DLGAP2: variants seen among roughly 807,000 people sequenced by gnomAD.
The protein encoded by DLGAP2 is DLG associated protein 2.
In DLGAP2, 26 loss-of-function variants were observed where a neutral mutation model predicts 100.3. The ratio of observed to expected loss-of-function variants is 0.26; its 90% confidence interval spans 0.19 to 0.36. DLGAP2 has a LOEUF of 0.36. DLGAP2 is among the 10% of genes least tolerant of loss of function. DLGAP2 has a pLI of 1.00. For missense variants in DLGAP2, 1,858 were observed against 1,453.2 expected (o/e 1.28, Z -4.53); for synonymous variants, 886 against 630.1 (o/e 1.41, Z -6.08).
chr8:1,261,245 A>G lies in DLGAP2; in HGVS notation c.106+2362A>G, dbSNP rs1799342466. 2.7e-5 allele frequency among the ~76,000 whole-genome samples: 4 copies of G among 150,602 alleles called. No homozygotes were observed. The South Asian group carries it at 8.4e-4, about 32-fold the overall frequency. ...ACTGGAAGGGCAGGTCGGCTTCCAGATATTTAAAACAAGACAGAATGGGAG... is the reference window on the plus strand; with the variant it reads ...ACTGGAAGGGCAGGTCGGCTTCCAGGTATTTAAAACAAGACAGAATGGGAG... On this transcript the variant is annotated intron_variant, in intron 3 of 14. Transcript: ENST00000637795.
intron 8 of DLGAP2, among the ~76,000 whole-genome samples, chr8:1,664,548 C>T (rs1798495915): frequency 6.6e-6 from 1 of 152,160 alleles, no homozygotes; most frequent in Non-Finnish European, 1.5e-5. Context: ...AATGTTGTAT[C>T]CACCAGTGAA....
chr8:1,209,539 C>T (rs1251397558), intron 2 of DLGAP2, among the ~76,000 whole-genome samples: 4 of 152,076 alleles, frequency 2.6e-5, no homozygotes, highest in South Asian at 2.1e-4. Flanking sequence ...ACAATTAATC[C>T]GTTTCTATAC....
At chr8:1,234,896 T>C (rs1006740315) in intron 2 of DLGAP2, among the ~76,000 whole-genome samples, 28 of 152,198 alleles carry the variant, frequency 1.8e-4, no homozygotes, top group Admixed American at 3.3e-4. Flanking sequence ...GAGCTCCCTC[T>C]CACGTGGCGC....
chr8:1,509,631 C>T (rs531686524), intron 4 of DLGAP2, among the ~76,000 whole-genome samples: 3 of 151,998 alleles, frequency 2.0e-5, no homozygotes, highest in Admixed American at 6.6e-5. Flanking sequence ...GCAGGCAAAG[C>T]CTCCGCACAT....
At chr8:1,390,536 C>T (rs1021608179) in intron 3 of DLGAP2, among the ~76,000 whole-genome samples, 6 of 152,170 alleles carry the variant, frequency 3.9e-5, no homozygotes, top group African/African-American at 1.4e-4. Context: ...AAATGACAAT[C>T]TGTCGAGCTG....
At chr8:1,647,407 T>C (rs1007710205) in intron 8 of DLGAP2, among the ~76,000 whole-genome samples, 3 of 136,902 alleles carry the variant, frequency 2.2e-5, no homozygotes, top group Non-Finnish European at 4.6e-5. Flanking sequence ...GAGAATGGAG[T>C]GAACCCGGGA....
Position 878,369 on chromosome 8 carries a change from A to G in DLGAP2, c.19-29543A>G, listed in dbSNP as rs1443598866. Reference sequence around the variant, plus strand: ...AACACACGGTAGGTTTTGTGGTTCAAAGTTCAGAAAATTCTTGATGAATGC... The same window carrying G: ...AACACACGGTAGGTTTTGTGGTTCAGAGTTCAGAAAATTCTTGATGAATGC... On this transcript the variant is annotated intron_variant, in intron 1 of 14. Coordinates refer to ENST00000637795, the MANE Select transcript of DLGAP2 (RefSeq NM_001346810.2). Among the ~76,000 whole-genome samples the G allele has an allele frequency of 2.0e-5, 3 of 152,330 alleles. No homozygotes were observed. The East Asian group carries it at 5.8e-4, about 29-fold the overall frequency.
chr8:916,028 T>C (rs1307524198), intron 2 of DLGAP2, among the ~76,000 whole-genome samples: 1 of 151,430 alleles, frequency 6.6e-6, no homozygotes, highest in Non-Finnish European at 1.5e-5. Context: ...TCCTCCTCAT[T>C]GTAGACTCTC....
At chr8:765,580 A>G (rs1193465773) in intron 1 of DLGAP2, among the ~76,000 whole-genome samples, 1 of 152,178 alleles carries the variant, frequency 6.6e-6, no homozygotes, top group African/African-American at 2.4e-5. Flanking sequence ...TATATTGAAA[A>G]CAGCACCCCA....
intron 3 of DLGAP2, among the ~76,000 whole-genome samples, chr8:1,278,402 A>G (rs781631567): frequency 6.6e-6 from 1 of 152,178 alleles, no homozygotes; most frequent in African/African-American, 2.4e-5. Flanking sequence ...TCATTACTCA[A>G]TTACTTTACC....
intron 3 of DLGAP2, among the ~76,000 whole-genome samples, chr8:1,389,618 A>G (rs1414378663): frequency 6.6e-6 from 1 of 152,142 alleles, no homozygotes; most frequent in Non-Finnish European, 1.5e-5. Flanking sequence ...TGGATAGAAA[A>G]AAAGCTGATG....
chr8:1,141,496 T>A (rs17065702), intron 2 of DLGAP2, among the ~76,000 whole-genome samples: 2,467 of 152,166 alleles, frequency 0.016, 30 homozygotes, highest in Admixed American at 0.025. Context: ...AAAAGAAAAA[T>A]GTAATCCAGA....
At chr8:910,804 G>A (rs1798469419) in intron 2 of DLGAP2, among the ~76,000 whole-genome samples, 3 of 152,090 alleles carry the variant, frequency 2.0e-5, no homozygotes, top group Non-Finnish European at 4.4e-5. Flanking sequence ...TGGTGTCCTT[G>A]CAGGGGGTTC....
chr8:1,678,423 A>G lies in DLGAP2; in HGVS notation c.2498A>G (p.Tyr833Cys), dbSNP rs781557847. 4 of 1,613,698 alleles carry G rather than the reference A, an allele frequency of 2.5e-6. No individual in the cohort carries two copies. Among genetic ancestry groups the G allele is most frequent in the Non-Finnish European group, 2.5e-6 (3 of 1,179,716 alleles). Residue 833 changes from tyrosine to cysteine, a missense_variant, in exon 12 of 15, where the codon TAT (tyrosine) becomes TGT (cysteine). Physicochemically the swap from Tyr to Cys is radical, Grantham distance 194. Transcript: ENST00000637795. ...TQGLFSYRED[Y>C]RTQVDTSTLP... ...GGGCTCTTCAGCTATAGAGAAGACT[A>G]TCGGACCCAAGTGGACACCTCCACC...
intron 1 of DLGAP2, among the ~76,000 whole-genome samples, chr8:768,632 G>C (rs747000085): frequency 6.6e-6 from 1 of 151,700 alleles, no homozygotes; most frequent in Non-Finnish European, 1.5e-5. Flanking sequence ...CACCATGTTA[G>C]CCAGGATGGT....
intron 1 of DLGAP2, among the ~76,000 whole-genome samples, chr8:870,911 C>G (rs1371673579): frequency 2.0e-5 from 3 of 152,204 alleles, no homozygotes; most frequent in African/African-American, 7.2e-5. Context: ...CAGCAGGTCT[C>G]TGTGACCATC....
chr8:1,163,331 G>A (rs1032614294), intron 2 of DLGAP2, among the ~76,000 whole-genome samples: 1 of 152,202 alleles, frequency 6.6e-6, no homozygotes, highest in Non-Finnish European at 1.5e-5. Context: ...GCCTGCTGCC[G>A]GCCTTCCCGG....
intron 2 of DLGAP2, among the ~76,000 whole-genome samples, chr8:1,047,963 G>C (rs919365349): frequency 2.0e-5 from 3 of 152,302 alleles, no homozygotes; most frequent in Non-Finnish European, 4.4e-5. Flanking sequence ...TTGTAACTCA[G>C]TCTTTCTTTT....
chr8:918,932 T>C (rs1056269174), intron 2 of DLGAP2, among the ~76,000 whole-genome samples: 1 of 152,122 alleles, frequency 6.6e-6, no homozygotes, highest in Non-Finnish European at 1.5e-5. Flanking sequence ...GTAGGGTTTT[T>C]TGTTGCTGTT....
Sources: allele counts gnomAD v4.1 joint callset (sites outside exome capture counted in the v4.1 genomes callset), GRCh38; gene constraint gnomAD v4.1.1; transcripts MANE v1.5; gene names NCBI Gene and HGNC (gene_info 2026-07-23, HGNC 2026-07-21).